KCND2: variants seen among roughly 807,000 people sequenced by gnomAD.
KCND2 encodes the protein potassium voltage-gated channel subfamily D member 2, also known as A-type voltage-gated potassium channel KCND2.
KCND2 carries 16 observed loss-of-function variants against 54.4 expected under a neutral mutation model. That is an observed-to-expected ratio of 0.29 (90% CI 0.20 to 0.45). KCND2 has a LOEUF of 0.45. KCND2 is among the 20% of genes least tolerant of loss of function. The pLI is 1.00. For missense variants in KCND2, 486 were observed against 824.2 expected (o/e 0.59, Z 5.02); for synonymous variants, 317 against 310.7 (o/e 1.02, Z -0.21).
intron 1 of KCND2, among the ~76,000 whole-genome samples, chr7:120,494,971 G>A (rs767203801): frequency 1.3e-5 from 2 of 152,124 alleles, no homozygotes; most frequent in Non-Finnish European, 2.9e-5. Flanking sequence ...ATCACCAGAG[G>A]ACATAAATAG....
At chr7:120,699,461 G>A (rs1792373896) in intron 1 of KCND2, among the ~76,000 whole-genome samples, 1 of 152,118 alleles carries the variant, frequency 6.6e-6, no homozygotes. Flanking sequence ...TTGCTCAACA[G>A]TGACTAACAG....
intron 1 of KCND2, among the ~76,000 whole-genome samples, chr7:120,542,822 T>C (rs1442441370): frequency 6.6e-6 from 1 of 152,146 alleles, no homozygotes; most frequent in African/African-American, 2.4e-5. Flanking sequence ...TGCATTACAA[T>C]GTAGCAAATA....
At chr7:120,546,146 C>T (rs1274544697) in intron 1 of KCND2, among the ~76,000 whole-genome samples, 2 of 151,922 alleles carry the variant, frequency 1.3e-5, no homozygotes, top group African/African-American at 4.8e-5. Context: ...CACCTGGTTT[C>T]TGTCTACCCC....
intron 1 of KCND2, among the ~76,000 whole-genome samples, chr7:120,617,652 C>G (rs551191582): frequency 1.3e-5 from 2 of 152,108 alleles, no homozygotes; most frequent in African/African-American, 4.8e-5. Context: ...GGGTGTATAC[C>G]CAAAGGAATA....
intron 1 of KCND2, among the ~76,000 whole-genome samples, chr7:120,493,874 A>G (rs796317413): frequency 1.4e-4 from 21 of 152,272 alleles, no homozygotes; most frequent in African/African-American, 4.3e-4. Context: ...TAAACTGCAT[A>G]TATCTAAATA....
chr7:120,596,902 A>T (rs2116466944), intron 1 of KCND2, among the ~76,000 whole-genome samples: 1 of 152,336 alleles, frequency 6.6e-6, no homozygotes, highest in East Asian at 1.9e-4. Flanking sequence ...TATTTTTACT[A>T]ATTCTATGTG....
intron 1 of KCND2, among the ~76,000 whole-genome samples, chr7:120,483,880 A>G (rs571797812): frequency 2.0e-4 from 30 of 152,322 alleles, no homozygotes; most frequent in Middle Eastern, 6.8e-3. Flanking sequence ...AAAGAGAAGC[A>G]TGGGTATGAG....
At chr7:120,303,442 T>C (rs1257297583) in intron 1 of KCND2, among the ~76,000 whole-genome samples, 1 of 152,234 alleles carries the variant, frequency 6.6e-6, no homozygotes, top group African/African-American at 2.4e-5. Flanking sequence ...AATCATTAAA[T>C]ACCTGTCTTT....
At chr7:120,638,061 C>T (rs1014775751) in intron 1 of KCND2, among the ~76,000 whole-genome samples, 6 of 151,926 alleles carry the variant, frequency 3.9e-5, no homozygotes, top group African/African-American at 7.2e-5. Context: ...AAATGGAATA[C>T]GAGAAAGTGG....
chr7:120,727,638 A>T (rs1792750581), intron 1 of KCND2, among the ~76,000 whole-genome samples: 1 of 152,192 alleles, frequency 6.6e-6, no homozygotes, highest in Non-Finnish European at 1.5e-5. Flanking sequence ...ATTTTTGGGA[A>T]GTACGCAAAT....
intron 1 of KCND2, among the ~76,000 whole-genome samples, chr7:120,308,069 T>C (rs762332336): frequency 1.3e-5 from 2 of 152,026 alleles, no homozygotes; most frequent in Non-Finnish European, 2.9e-5. Flanking sequence ...AATTATAAAT[T>C]TGACATTGCA....
At chr7:120,447,937 T>C (rs930914383) in intron 1 of KCND2, among the ~76,000 whole-genome samples, 1 of 152,202 alleles carries the variant, frequency 6.6e-6, no homozygotes, top group Non-Finnish European at 1.5e-5. Flanking sequence ...CTAAATATTT[T>C]TGAGATTAGA....
At chr7:120,279,593 TTA>T (rs1203546213) in intron 1 of KCND2, among the ~76,000 whole-genome samples, 1 of 151,920 alleles carries the variant, frequency 6.6e-6, no homozygotes, top group African/African-American at 2.4e-5. Context: ...TATTATATAT[TTA>T]TCTAAAACAA....
intron 1 of KCND2, among the ~76,000 whole-genome samples, chr7:120,595,591 G>GTGTATATATATA (rs370024431): frequency 7.6e-6 from 1 of 131,898 alleles, no homozygotes; most frequent in African/African-American, 2.8e-5. Flanking sequence ...GTGTGTGTGT[G>GTGTATATATATA]TATATATATA....
chr7:120,527,590 C>T (rs1584814163), intron 1 of KCND2, among the ~76,000 whole-genome samples: 1 of 152,198 alleles, frequency 6.6e-6, no homozygotes, highest in East Asian at 1.9e-4. Context: ...GATCCTGCTG[C>T]TCGTTCATGA....
chr7:120,283,059 T>A (rs1023266042), intron 1 of KCND2, among the ~76,000 whole-genome samples: 1 of 152,184 alleles, frequency 6.6e-6, no homozygotes, highest in African/African-American at 2.4e-5. Context: ...ACAAGGCTTT[T>A]CCAAGGGGTT....
chr7:120,481,338 A>G (rs1320004350), intron 1 of KCND2, among the ~76,000 whole-genome samples: 2 of 152,204 alleles, frequency 1.3e-5, no homozygotes, highest in Admixed American at 6.5e-5. Context: ...TGAAGAAGAA[A>G]GGAATGACTT....
At chr7:120,455,630 C>T (rs544777098) in intron 1 of KCND2, among the ~76,000 whole-genome samples, 1 of 152,260 alleles carries the variant, frequency 6.6e-6, no homozygotes, top group East Asian at 1.9e-4. Context: ...GATACATATA[C>T]ATCATGAAAT....
chr7:120,730,067 G>A (rs886455946), intron 1 of KCND2, among the ~76,000 whole-genome samples: 8 of 152,036 alleles, frequency 5.3e-5, no homozygotes, highest in Admixed American at 2.0e-4. Context: ...AATCTTTCAA[G>A]GGCAAGAGAA....
Sources: allele counts gnomAD v4.1 joint callset (sites outside exome capture counted in the v4.1 genomes callset), GRCh38; gene constraint gnomAD v4.1.1; transcripts MANE v1.5; gene names NCBI Gene and HGNC (gene_info 2026-07-23, HGNC 2026-07-21).